The following NADSYN1 variants were observed in gnomAD, a reference collection of about 807,000 sequenced individuals.
NADSYN1 encodes the protein NAD synthetase 1.
In NADSYN1, 80 loss-of-function variants were observed where a neutral mutation model predicts 99.3. The observed-to-expected ratio is 0.81, with a 90% confidence interval of 0.67 to 0.97. The LOEUF is 0.97. NADSYN1 is among the 50% of genes least tolerant of loss of function. The pLI is 0.00. For missense variants in NADSYN1, 859 were observed against 948.5 expected, an observed-to-expected ratio of 0.91 and a Z score of 1.24; for synonymous variants, 385 against 372.1, an observed-to-expected ratio of 1.03 and a Z score of -0.40.
At position 71,482,015 on chromosome 11, in the gene NADSYN1, G is replaced by A. The variant is rs751891938; in HGVS notation, c.1140G>A (p.Val380=). 6.2e-7 allele frequency: 1 copy of A among 1,610,730 alleles called. No homozygotes were observed. Among genetic ancestry groups the A allele is most frequent in the East Asian group, 2.2e-5 (1 of 44,704 alleles). ...TGTGCTGCCAGGTCTGCGAGGCCGT[G>A]AGGAGTGGAAGTAGGTGACATCTGT... ...YSMCCQVCEA[V]RSGNEEVLAD... Residue 380 remains valine, a synonymous_variant, in exon 13 of 21, where the codon GTG becomes GTA. Coordinates refer to ENST00000319023, the MANE Select transcript of NADSYN1 (RefSeq NM_018161.5).
At chr11:71,477,420 C>A in intron 9 of NADSYN1, 1 of 1,289,816 alleles carries the variant, frequency 7.8e-7, no homozygotes, top group Non-Finnish European at 1.0e-6. Flanking sequence ...TCCTTGTCTT[C>A]ATGGGCATCT....
intron 18 of NADSYN1, among the ~76,000 whole-genome samples, chr11:71,492,195 T>C (rs1209654646): frequency 1.3e-5 from 2 of 152,108 alleles, no homozygotes; most frequent in Admixed American, 6.5e-5. Flanking sequence ...GCATCTCTGC[T>C]CGTGTTTTAG....
chr11:71,482,949 C>T lies in NADSYN1; in HGVS notation c.1251C>T (p.Tyr417=). The change falls in exon 14 of 21, where the codon TAC becomes TAT. Residue 417 remains tyrosine, a synonymous_variant. Coordinates refer to ENST00000319023, the MANE Select transcript of NADSYN1 (RefSeq NM_018161.5). ...DLCGRILTTC[Y]MASKNSSQET... is the part of the protein sequence containing the mutation. ...GTGGACGCATACTGACCACCTGCTA[C>T]ATGGCCAGCAAGAACTCCTCCCAGG... The T allele has an allele frequency of 6.2e-7, 1 of 1,613,198 alleles. No individual in the cohort carries two copies. The highest frequency in any genetic ancestry group is 8.5e-7 in the Non-Finnish European group (1 of 1,179,658).
At chr11:71,461,909 G>A (rs1039207878) in intron 3 of NADSYN1, among the ~76,000 whole-genome samples, 2 of 152,212 alleles carry the variant, frequency 1.3e-5, no homozygotes, top group Admixed American at 6.5e-5. Context: ...AGAACACATC[G>A]GAGAGGAATA....
chr11:71,486,742 A>T (rs1466016488), intron 16 of NADSYN1, among the ~76,000 whole-genome samples: 1 of 149,062 alleles, frequency 6.7e-6, no homozygotes, highest in Non-Finnish European at 1.5e-5. Context: ...CCATCTGTCC[A>T]CATTTCCTCC....
intron 10 of NADSYN1, 131 bp downstream of exon 10, chr11:71,478,600 C>G: frequency 2.5e-6 from 2 of 807,578 alleles, no homozygotes; most frequent in Non-Finnish European, 4.1e-6. Context: ...TCCGGACTTC[C>G]CGAGCGTGGA....
In NADSYN1 at chr11:71,453,211, A is replaced by G; in HGVS notation, c.-86A>G. 8.4e-7 allele frequency: 1 copy of G among 1,184,686 alleles called. No homozygotes were observed. Among genetic ancestry groups the G allele is most frequent in the South Asian group, 1.3e-5 (1 of 75,200 alleles). 73.4% of individuals were successfully genotyped at this position (1,184,686 alleles called of 1,614,324 possible). On this transcript the variant is annotated 5_prime_UTR_variant, in exon 1 of 21. Coordinates refer to ENST00000319023, the MANE Select transcript of NADSYN1 (RefSeq NM_018161.5). Reference sequence around the variant, plus strand: ...AGGGGGCGGGGCCGGGCAACCCGGAAGGTCCGGCGTCCCAGCCGCCTACCT... The same window carrying G: ...AGGGGGCGGGGCCGGGCAACCCGGAGGGTCCGGCGTCCCAGCCGCCTACCT...
Position 71,501,320 on chromosome 11 carries a change from G to C in NADSYN1, c.2089G>C (p.Ala697Pro). 1 of 1,604,226 alleles carries C rather than the reference G, an allele frequency of 6.2e-7. No individual in the cohort carries two copies. The highest frequency in any genetic ancestry group is 8.5e-7 in the Non-Finnish European group (1 of 1,175,702). Reference protein sequence around the residue: ...IENQVLQLERAEPQSLDGVD With the variant: ...IENQVLQLERPEPQSLDGVD The stretch of plus-strand genomic sequence containing the variant: ...TTTCCAGGTGCTACAGCTCGAGAGG[G>C]CAGAGCCACAGTCCCTGGACGGCGT... The change falls in exon 21 of 21, where the codon GCA becomes CCA. Residue 697 changes from alanine to proline, a missense_variant. Ala to Pro is a conservative substitution (Grantham distance 27). Transcript: ENST00000319023.
intron 3 of NADSYN1, among the ~76,000 whole-genome samples, chr11:71,462,585 G>A (rs770168901): frequency 1.3e-5 from 2 of 152,308 alleles, no homozygotes; most frequent in African/African-American, 2.4e-5. Flanking sequence ...TGTGTCAGGA[G>A]TGCATCCTTC....
chr11:71,453,241 G>T lies in NADSYN1; in HGVS notation c.-56G>T, dbSNP rs1395633981. ...CGGCGTCCCAGCCGCCTACCTCGCTGGGACCCTGGTCTTGCTGTCCCCCGC... is the reference window on the plus strand; with the variant it reads ...CGGCGTCCCAGCCGCCTACCTCGCTTGGACCCTGGTCTTGCTGTCCCCCGC... On this transcript the variant is annotated 5_prime_UTR_variant, in exon 1 of 21. Coordinates refer to ENST00000319023, the MANE Select transcript of NADSYN1 (RefSeq NM_018161.5). 15 of 1,522,846 alleles carry T rather than the reference G, an allele frequency of 9.8e-6. No individual in the cohort carries two copies. The highest frequency in any genetic ancestry group is 1.3e-5 in the Non-Finnish European group (14 of 1,106,550). The allele number at this position is 1,522,846 out of a possible 1,614,324, so 94.3% of individuals were successfully genotyped here.
Position 71,485,540 on chromosome 11 carries a change from A to G in NADSYN1, c.1456-2A>G, listed in dbSNP as rs865871430. The stretch of plus-strand genomic sequence containing the variant: ...CGTTATTTCCTCTGTTGTGTTTTCC[A>G]GGCTCGAATACGGATGGTCCTCGCC... On this transcript the variant is annotated splice_acceptor_variant, in intron 15 of 20. Transcript: ENST00000319023. LOFTEE classifies it high-confidence loss of function. The G allele has an allele frequency of 2.6e-6, 4 of 1,550,672 alleles. No homozygotes were observed. The highest frequency in any genetic ancestry group is 3.5e-6 in the Non-Finnish European group (4 of 1,146,430).
intron 16 of NADSYN1, among the ~76,000 whole-genome samples, chr11:71,489,244 G>A (rs1291043206): frequency 6.6e-6 from 1 of 152,172 alleles, no homozygotes; most frequent in Non-Finnish European, 1.5e-5. Context: ...CTGGAACTCG[G>A]TGGTCCTGTA....
intron 2 of NADSYN1, among the ~76,000 whole-genome samples, chr11:71,456,055 T>C (rs993429751): frequency 2.0e-5 from 3 of 152,254 alleles, no homozygotes; most frequent in African/African-American, 7.2e-5. Flanking sequence ...CGTTGGTCTT[T>C]AGGCCTCTGA....
At chr11:71,495,929 G>A (rs1214025541) in intron 18 of NADSYN1, among the ~76,000 whole-genome samples, 2 of 152,226 alleles carry the variant, frequency 1.3e-5, no homozygotes, top group Non-Finnish European at 2.9e-5. Context: ...ATGAGCCTCG[G>A]GGTAAAATCG....
intron 14 of NADSYN1, among the ~76,000 whole-genome samples, chr11:71,483,968 A>T (rs1949725681): frequency 6.6e-6 from 1 of 152,170 alleles, no homozygotes; most frequent in African/African-American, 2.4e-5. Flanking sequence ...GTTTGATTCC[A>T]TTTCCATTCC....
At chr11:71,488,711 C>T (rs904622057) in intron 16 of NADSYN1, among the ~76,000 whole-genome samples, 2 of 152,076 alleles carry the variant, frequency 1.3e-5, no homozygotes, top group Non-Finnish European at 2.9e-5. Flanking sequence ...TGCAGTGGCA[C>T]CGTCACAGCT....
At chr11:71,474,778 C>G (rs376897778) in intron 9 of NADSYN1, 1 of 479,082 alleles carries the variant, frequency 2.1e-6, no homozygotes, top group Non-Finnish European at 3.8e-6. Context: ...TGTGGAGAAG[C>G]CCCCAGGGGT....
At chr11:71,459,585 C>T (rs1413586002) in intron 3 of NADSYN1, 1 of 153,202 alleles carries the variant, frequency 6.5e-6, no homozygotes, top group Non-Finnish European at 1.5e-5. Flanking sequence ...CTATGGAGGC[C>T]TCTGCACATG....
At chr11:71,496,457 C>T (rs1352445370) in intron 18 of NADSYN1, 4 of 152,220 alleles carry the variant, frequency 2.6e-5, no homozygotes, top group Non-Finnish European at 5.9e-5. Context: ...GGCTCGCGCT[C>T]CTATGAGAAT....
Sources: gnomAD v4.1 joint callset for allele counts (sites outside exome capture counted in the v4.1 genomes callset) on GRCh38, gnomAD v4.1.1 for gene constraint, MANE v1.5 for transcripts, NCBI Gene and HGNC (gene_info 2026-07-23, HGNC 2026-07-21) for gene names.